The following MSI2 variants were observed in gnomAD, a reference collection of about 807,000 sequenced individuals.
MSI2 encodes RNA-binding protein Musashi homolog 2.
Under a neutral mutation model 45.6 loss-of-function variants are expected in MSI2, and 17 were observed. The ratio of observed to expected loss-of-function variants is 0.37; its 90% CI spans 0.26 to 0.56. The LOEUF (loss-of-function observed/expected upper bound fraction) is 0.56, where lower values mean the gene tolerates loss of function less well. MSI2 is among the 20% of genes least tolerant of loss of function. The probability of loss-of-function intolerance (pLI) is 0.77; values close to 1 mark genes in which losing one functional copy is unlikely to be tolerated. For synonymous variants in MSI2, 156 were observed against 158.2 expected (o/e 0.99, Z 0.11); for missense variants, 293 against 444.2 (o/e 0.66, Z 3.06).
the MSI2 span, among the ~76,000 whole-genome samples, chr17:57,691,203 CTATCT>C: frequency 5.3e-3 from 384 of 72,394 alleles, 2 homozygotes; most frequent in African/African-American, 0.017. Context: ...TCTCTCTCAT[CTATCT>C]ATCTATCTAT....
chr17:57,631,460 G>T, intron 10 of MSI2: 1 of 293,558 alleles, frequency 3.4e-6, no homozygotes. Flanking sequence ...GACCTTCCTG[G>T]GCCACACAGC....
In MSI2 at chr17:57,343,151, T is replaced by C. The variant is rs144731264; in HGVS notation, c.313-58228T>C. On this transcript the variant is annotated intron_variant, in intron 5 of 13. Transcript: ENST00000284073. The stretch of plus-strand genomic sequence containing the variant: ...ACGTTTGTTTGTTACTTTATCTTTC[T>C]GCACAGCCTGTGAGGTAGGGAAGGG... Among the ~76,000 whole-genome samples, 419 of 152,304 alleles carry C rather than the reference T, an allele frequency of 2.8e-3. 1 individual carries two copies. Among genetic ancestry groups the C allele is most frequent in the African/African-American group, 9.7e-3 (404 of 41,552 alleles).
intron 6 of MSI2, among the ~76,000 whole-genome samples, chr17:57,496,637 C>T (rs1474418571): frequency 6.6e-6 from 1 of 152,218 alleles, no homozygotes; most frequent in East Asian, 1.9e-4. Context: ...GGACAGAGCA[C>T]GCAGGAGGCG....
At chr17:57,378,801 C>T (rs1251298146) in intron 5 of MSI2, among the ~76,000 whole-genome samples, 1 of 152,188 alleles carries the variant, frequency 6.6e-6, no homozygotes, top group Admixed American at 6.5e-5. Context: ...CAGAGTGAAC[C>T]AGCCACCCAT....
chr17:57,544,934 C>T (rs1159790914), intron 7 of MSI2, among the ~76,000 whole-genome samples: 1 of 152,144 alleles, frequency 6.6e-6, no homozygotes, highest in Non-Finnish European at 1.5e-5. Context: ...TACTACACTC[C>T]TTTATGATGA....
chr17:57,663,791 C>T (rs958200809), intron 11 of MSI2, among the ~76,000 whole-genome samples: 7 of 152,164 alleles, frequency 4.6e-5, no homozygotes, highest in African/African-American at 1.7e-4. Context: ...CCCAAGACTC[C>T]AGTGACTCCC....
intron 5 of MSI2, among the ~76,000 whole-genome samples, chr17:57,364,183 G>A (rs1359127885): frequency 6.6e-6 from 1 of 152,236 alleles, no homozygotes; most frequent in Non-Finnish European, 1.5e-5. Context: ...CACAATAAAA[G>A]AACAGCAAGA....
At chr17:57,512,952 A>G (rs902211297) in intron 6 of MSI2, among the ~76,000 whole-genome samples, 3 of 139,620 alleles carry the variant, frequency 2.1e-5, no homozygotes, top group Admixed American at 7.4e-5. Context: ...AATATTGCAC[A>G]TGAATTAGCT....
At chr17:57,535,108 AG>A (rs2086895235) in intron 7 of MSI2, among the ~76,000 whole-genome samples, 1 of 152,188 alleles carries the variant, frequency 6.6e-6, no homozygotes, top group South Asian at 2.1e-4. Context: ...GGAGGGAGGA[AG>A]GGTGCACTGG....
chr17:57,531,196 T>G (rs2086814577), intron 7 of MSI2, among the ~76,000 whole-genome samples: 1 of 152,192 alleles, frequency 6.6e-6, no homozygotes, highest in East Asian at 1.9e-4. Flanking sequence ...CATCTCCTAA[T>G]GTGACCTTCA....
chr17:57,526,196 G>A (rs1240209619), intron 6 of MSI2, among the ~76,000 whole-genome samples: 1 of 152,120 alleles, frequency 6.6e-6, no homozygotes, highest in East Asian at 1.9e-4. Context: ...TTGCACTCCA[G>A]CCTGGGTGAC....
At chr17:57,495,632 T>C (rs1316310225) in intron 6 of MSI2, among the ~76,000 whole-genome samples, 1 of 150,664 alleles carries the variant, frequency 6.6e-6, no homozygotes, top group Admixed American at 6.6e-5. Flanking sequence ...TGTCCAATTC[T>C]CCATGTCTGC....
intron 5 of MSI2, among the ~76,000 whole-genome samples, chr17:57,351,753 G>T (rs1425926463): frequency 1.3e-5 from 2 of 152,238 alleles, no homozygotes; most frequent in East Asian, 3.8e-4. Context: ...CTAGTTGGGA[G>T]GCTGAGGAAG....
chr17:57,548,827 T>C (rs2087230540), intron 7 of MSI2, among the ~76,000 whole-genome samples: 1 of 151,970 alleles, frequency 6.6e-6, no homozygotes, highest in African/African-American at 2.4e-5. Context: ...TAATGAGCAG[T>C]GTTTAGACAC....
At chr17:57,575,595 C>A (rs912370167) in intron 7 of MSI2, among the ~76,000 whole-genome samples, 1 of 152,186 alleles carries the variant, frequency 6.6e-6, no homozygotes, top group Non-Finnish European at 1.5e-5. Context: ...TACTCCCCTG[C>A]ACCTCAGACC....
chr17:57,287,028 C>T (rs1398754998), intron 5 of MSI2, among the ~76,000 whole-genome samples: 2 of 151,828 alleles, frequency 1.3e-5, no homozygotes, highest in Non-Finnish European at 2.9e-5. Context: ...TTTGAAGCCA[C>T]ATTTCTTCAT....
At position 57,577,045 on chromosome 17, in the gene MSI2, G is replaced by A. The variant is rs545435646; in HGVS notation, c.455-19823G>A. On this transcript the variant is annotated intron_variant, in intron 7 of 13. Coordinates refer to ENST00000284073, the MANE Select transcript of MSI2 (RefSeq NM_138962.4). ...AAGATAGACCACATCAGAGGAGGTC[G>A]TCTGATGGGGACCAGGACAGTATTA... Among the ~76,000 whole-genome samples, 7 of 152,248 alleles carry A rather than the reference G, an allele frequency of 4.6e-5. No homozygotes were observed. In the East Asian group the frequency reaches 7.7e-4, roughly 17 times the overall value.
At chr17:57,379,808 A>G (rs2083567976) in intron 5 of MSI2, among the ~76,000 whole-genome samples, 1 of 152,152 alleles carries the variant, frequency 6.6e-6, no homozygotes, top group African/African-American at 2.4e-5. Flanking sequence ...TTTAATAGGA[A>G]GAGGCAGGCA....
At chr17:57,526,222 C>G (rs1218915321) in intron 6 of MSI2, among the ~76,000 whole-genome samples, 1 of 151,522 alleles carries the variant, frequency 6.6e-6, no homozygotes, top group Non-Finnish European at 1.5e-5. Flanking sequence ...GAGACTGTCT[C>G]AAAGGAAAAA....
Sources: gnomAD v4.1 joint callset for allele counts (sites outside exome capture counted in the v4.1 genomes callset) on GRCh38, gnomAD v4.1.1 for gene constraint, MANE v1.5 for transcripts, NCBI Gene and HGNC (gene_info 2026-07-23, HGNC 2026-07-21) for gene names.